Variants in WIPF3 observed in about 807,000 individuals in gnomAD.
WIPF3 encodes WAS/WASL-interacting protein family member 3.
Under a neutral mutation model 38.9 loss-of-function variants are expected in WIPF3, and 33 were observed. The observed-to-expected ratio is 0.85, with a 90% CI of 0.64 to 1.14. The LOEUF is 1.14. Among genes scored for constraint, WIPF3 ranks in the 50% most tolerant of loss-of-function variants. The pLI, the probability that WIPF3 is intolerant of heterozygous loss-of-function variation, is 0.00. For synonymous variants in WIPF3, 324 were observed against 269.3 expected (o/e 1.20, Z -1.99); for missense variants, 711 against 652.5 (o/e 1.09, Z -0.98).
At chr7:29,822,240 T>C (rs1562770518) in intron 1 of WIPF3, among the ~76,000 whole-genome samples, 1 of 149,190 alleles carries the variant, frequency 6.7e-6, no homozygotes, top group Non-Finnish European at 1.5e-5. Flanking sequence ...CTTGAGGAAA[T>C]GACCATGGCA....
chr7:29,817,482 G>T (rs1461140262), intron 1 of WIPF3, among the ~76,000 whole-genome samples: 1 of 151,814 alleles, frequency 6.6e-6, no homozygotes, highest in Non-Finnish European at 1.5e-5. Context: ...TCCTTTTTTA[G>T]AAATTAAAAA....
Position 29,884,216 on chromosome 7 carries a change from C to A in WIPF3, c.722C>A (p.Ser241Ter). The change falls in exon 5 of 9, where the codon TCG (serine) becomes TAG (stop). Residue 241 changes from serine (S) to a stop codon, truncating the protein, a stop_gained. Transcript: ENST00000242140. LOFTEE classifies it high-confidence loss of function. ...ACGCCACCCCCGCTGCCCCCGGCCT[C>A]GGTTCTTAGTGACAAGGCAGTGAAG... ...PPTPPPLPPA[S>*]VLSDKAVKPQ... The A allele has an allele frequency of 6.6e-7, 1 of 1,526,672 alleles. No homozygotes were observed. The allele number at this position is 1,526,672 out of a possible 1,614,324, so 94.6% of individuals were successfully genotyped here.
intron 2 of WIPF3, among the ~76,000 whole-genome samples, chr7:29,872,798 C>CAAAAAAAAAAA (rs61693654): frequency 9.7e-5 from 3 of 31,048 alleles, no homozygotes; most frequent in African/African-American, 1.4e-4. Flanking sequence ...GACTCCATCT[C>CAAAAAAAAAAA]AAAAAAAAAA....
chr7:29,812,062 G>A (rs1036034149), intron 1 of WIPF3, among the ~76,000 whole-genome samples: 2 of 152,266 alleles, frequency 1.3e-5, no homozygotes, highest in Non-Finnish European at 2.9e-5. Context: ...ATGTATTTAT[G>A]AATTTTCTTA....
At chr7:29,825,927 G>A (rs934577213) in intron 1 of WIPF3, among the ~76,000 whole-genome samples, 15 of 152,152 alleles carry the variant, frequency 9.9e-5, no homozygotes, top group Admixed American at 6.5e-4. Flanking sequence ...TTCTGGAGCC[G>A]ATGTCTGGGC....
At chr7:29,853,018 A>G (rs549304744) in intron 2 of WIPF3, among the ~76,000 whole-genome samples, 2 of 152,214 alleles carry the variant, frequency 1.3e-5, no homozygotes, top group Non-Finnish European at 2.9e-5. Flanking sequence ...CTCCCCTAAA[A>G]GTAGATTCTG....
chr7:29,875,019 C>G (rs189283007), intron 2 of WIPF3, among the ~76,000 whole-genome samples: 1 of 152,134 alleles, frequency 6.6e-6, no homozygotes, highest in African/African-American at 2.4e-5. Flanking sequence ...TCTCAGTTTC[C>G]TCATCTGTAA....
At chr7:29,902,385 A>G (rs1194970570) in intron 7 of WIPF3, among the ~76,000 whole-genome samples, 1 of 151,744 alleles carries the variant, frequency 6.6e-6, no homozygotes, top group Non-Finnish European at 1.5e-5. Context: ...GCACTCATTA[A>G]GAAGTTTTAA....
At chr7:29,879,201 C>T in intron 4 of WIPF3, 61 bp downstream of exon 4, 1 of 1,566,352 alleles carries the variant, frequency 6.4e-7, no homozygotes, top group Non-Finnish European at 8.7e-7. Context: ...GTGGAACCAT[C>T]TGGGCAATCC....
chr7:29,896,785 G>T (rs1457439281), intron 7 of WIPF3, among the ~76,000 whole-genome samples: 1 of 152,160 alleles, frequency 6.6e-6, no homozygotes, highest in East Asian at 1.9e-4. Context: ...ACTGTCAGTA[G>T]GAATTTTGGG....
intron 7 of WIPF3, among the ~76,000 whole-genome samples, chr7:29,890,067 G>A (rs1366652697): frequency 1.3e-5 from 2 of 152,232 alleles, no homozygotes; most frequent in Non-Finnish European, 2.9e-5. Flanking sequence ...TCAGCCTTAA[G>A]AGTAGAAAGA....
intron 2 of WIPF3, among the ~76,000 whole-genome samples, chr7:29,855,664 G>T (rs564487371): frequency 6.6e-6 from 1 of 152,334 alleles, no homozygotes; most frequent in South Asian, 2.1e-4. Flanking sequence ...CAGACCCAGG[G>T]TTAGCCTCAG....
At chr7:29,892,844 T>C (rs1047383455) in intron 7 of WIPF3, among the ~76,000 whole-genome samples, 5 of 152,144 alleles carry the variant, frequency 3.3e-5, no homozygotes, top group Non-Finnish European at 5.9e-5. Flanking sequence ...GGCAGGCAGA[T>C]CACCTGAGGT....
At chr7:29,833,700 C>G (rs988580503) in intron 1 of WIPF3, among the ~76,000 whole-genome samples, 1 of 152,118 alleles carries the variant, frequency 6.6e-6, no homozygotes, top group African/African-American at 2.4e-5. Flanking sequence ...TAGGGACAGG[C>G]CTTGTTCTGG....
chr7:29,894,388 C>T (rs1354991794), intron 7 of WIPF3, among the ~76,000 whole-genome samples: 1 of 152,178 alleles, frequency 6.6e-6, no homozygotes, highest in East Asian at 1.9e-4. Flanking sequence ...ATTAAATGAA[C>T]TGACATTGTA....
At chr7:29,849,190 G>A (rs368226351) in intron 2 of WIPF3, among the ~76,000 whole-genome samples, 3 of 152,092 alleles carry the variant, frequency 2.0e-5, no homozygotes, top group African/African-American at 7.2e-5. Context: ...GTGTTGTTTT[G>A]TTTTTAAGCT....
At position 29,848,146 on chromosome 7, in the gene WIPF3, C is replaced by G. The variant is rs1785032025; in HGVS notation, c.90+13332C>G. On this transcript the variant is annotated intron_variant, in intron 2 of 8. Transcript: ENST00000242140. ...AGTGGACTTGGGCCCACGGGTGTAG[C>G]AGGAGGTACCTGGAACCAGCCACAG... Among the ~76,000 whole-genome samples the G allele has an allele frequency of 2.0e-5, 3 of 152,112 alleles. No individual in the cohort carries two copies. The South Asian group carries it at 6.2e-4, about 32-fold the overall frequency.
intron 2 of WIPF3, among the ~76,000 whole-genome samples, chr7:29,848,624 G>A (rs973104408): frequency 6.6e-6 from 1 of 152,050 alleles, no homozygotes; most frequent in South Asian, 2.1e-4. Flanking sequence ...TGGGATATTG[G>A]TTTATATAAA....
chr7:29,841,824 T>C (rs1784917633), intron 2 of WIPF3, among the ~76,000 whole-genome samples: 1 of 152,044 alleles, frequency 6.6e-6, no homozygotes, highest in Admixed American at 6.6e-5. Flanking sequence ...AAAAATAAAA[T>C]CCAATATCAA....
Sources: gnomAD v4.1 joint callset for allele counts (sites outside exome capture counted in the v4.1 genomes callset) on GRCh38, gnomAD v4.1.1 for gene constraint, MANE v1.5 for transcripts, NCBI Gene and HGNC (gene_info 2026-07-23, HGNC 2026-07-21) for gene names.